MYO9A: variants seen among roughly 807,000 people sequenced by gnomAD.
The protein encoded by MYO9A is unconventional myosin-IXa.
MYO9A carries 103 observed loss-of-function variants against 293.3 expected under a neutral mutation model. The observed-to-expected ratio is 0.35, with a 90% CI of 0.30 to 0.41. The LOEUF (loss-of-function observed/expected upper bound fraction) is 0.41, where lower values mean the gene tolerates loss of function less well. Ranked by LOEUF, MYO9A falls within the 10% of genes least tolerant of loss-of-function variation. MYO9A has a pLI of 1.00. For synonymous variants in MYO9A, 1,001 were observed against 1,035.7 expected (o/e 0.97, Z 0.64); for missense variants, 2,685 against 3,033.0 (o/e 0.89, Z 2.69).
intron 12 of MYO9A, 88 bp downstream of exon 12, chr15:71,978,083 A>G: frequency 6.8e-7 from 1 of 1,470,646 alleles, no homozygotes; most frequent in Non-Finnish European, 9.3e-7. Context: ...TTGGCTCTTT[A>G]TTTGGTAATG....
rs572172582 is a variant in MYO9A, at chr15:71,974,202, A to G, written c.1844+3969T>C. ...CGAGAAACACATTGTACAGCCTACC[A>G]TGTCCAACAAAGAGGAAAAAAAAAT... On this transcript the variant is annotated intron_variant, in intron 12 of 41. Coordinates refer to ENST00000356056, the MANE Select transcript of MYO9A (RefSeq NM_006901.4). 2.6e-5 allele frequency among the ~76,000 whole-genome samples: 4 copies of G among 152,278 alleles called. No individual in the cohort carries two copies. In the East Asian group the frequency reaches 7.7e-4, roughly 29 times the overall value.
intron 1 of MYO9A, among the ~76,000 whole-genome samples, chr15:72,053,227 C>T (rs1225604631): frequency 6.6e-6 from 1 of 152,000 alleles, no homozygotes; most frequent in Non-Finnish European, 1.5e-5. Flanking sequence ...TGGTGAAACC[C>T]TGTCCCTATT....
chr15:71,993,044 A>AAT (rs2076585200), intron 10 of MYO9A, among the ~76,000 whole-genome samples: 2 of 152,122 alleles, frequency 1.3e-5, no homozygotes. Flanking sequence ...AAATATCCAC[A>AAT]ATAAATGCCT....
Position 71,865,782 on chromosome 15 carries a change from G to A in MYO9A, c.5980-3171C>T, listed in dbSNP as rs546805392. On this transcript the variant is annotated intron_variant, in intron 32 of 41. Transcript: ENST00000356056. ...AAACCCACTAAATTGCACACTTTAC[G>A]TAGTTAAAATGGCTAAATAGTTAAA... 7.9e-5 allele frequency among the ~76,000 whole-genome samples: 12 copies of A among 152,254 alleles called. No individual in the cohort carries two copies. The South Asian group carries it at 8.3e-4, about 11-fold the overall frequency.
Position 72,045,798 on chromosome 15 carries a change from G to A in MYO9A, c.766C>T (p.Leu256Phe). 2 of 1,614,162 alleles carry A rather than the reference G, an allele frequency of 1.2e-6. No individual in the cohort carries two copies. Among genetic ancestry groups the A allele is most frequent in the Non-Finnish European group, 1.7e-6 (2 of 1,180,034 alleles). The change falls in exon 2 of 42, where the codon CTT becomes TTT. Residue 256 changes from leucine (L) to phenylalanine (F), a missense_variant. Physicochemically the swap from Leu to Phe is conservative, Grantham distance 22. This residue lies in a region of MYO9A where 289 missense variants were observed against 456.8 expected (regional missense o/e 0.63). Coordinates refer to ENST00000356056, the MANE Select transcript of MYO9A (RefSeq NM_006901.4). ...AATCCTTTCTGACTGAGAGCAGTAAGGTGGTGAATAAGAAAGTTTGTGCTT... is the reference window on the plus strand; with the variant it reads ...AATCCTTTCTGACTGAGAGCAGTAAAGTGGTGAATAAGAAAGTTTGTGCTT... ...TQSTNFLIHH[L>F]TALSQKGFAS...
At chr15:71,997,493 G>A (rs561556424) in intron 9 of MYO9A, among the ~76,000 whole-genome samples, 3 of 152,014 alleles carry the variant, frequency 2.0e-5, no homozygotes, top group Admixed American at 6.6e-5. Context: ...CCAGCTACTC[G>A]GGAGGCTGAA....
chr15:71,879,390 A>T (rs1307539398), intron 30 of MYO9A, among the ~76,000 whole-genome samples: 1 of 152,198 alleles, frequency 6.6e-6, no homozygotes, highest in Non-Finnish European at 1.5e-5. Flanking sequence ...ATAGCCTAGC[A>T]ATAGAGCTAA....
At chr15:71,929,102 C>G (rs1392481359) in intron 18 of MYO9A, among the ~76,000 whole-genome samples, 1 of 150,944 alleles carries the variant, frequency 6.6e-6, no homozygotes, top group Non-Finnish European at 1.5e-5. Flanking sequence ...AGAAACACTG[C>G]TGATTTTTGT....
chr15:72,107,163 A>C (rs951031220), intron 1 of MYO9A, among the ~76,000 whole-genome samples: 1 of 152,238 alleles, frequency 6.6e-6, no homozygotes, highest in Non-Finnish European at 1.5e-5. Flanking sequence ...AGAATTATCA[A>C]GATGATATCA....
intron 39 of MYO9A, among the ~76,000 whole-genome samples, chr15:71,836,890 GCTT>G (rs1206952179): frequency 2.6e-5 from 4 of 151,984 alleles, no homozygotes; most frequent in Non-Finnish European, 4.4e-5. Context: ...AAAGAGGAGA[GCTT>G]CTGGGGATGC....
intron 39 of MYO9A, among the ~76,000 whole-genome samples, chr15:71,841,574 T>G (rs1243063913): frequency 6.6e-6 from 1 of 152,122 alleles, no homozygotes; most frequent in African/African-American, 2.4e-5. Flanking sequence ...TGGTCAAGAT[T>G]TATATTTTTA....
chr15:71,867,503 T>G (rs943419670), intron 32 of MYO9A, among the ~76,000 whole-genome samples: 3 of 150,896 alleles, frequency 2.0e-5, no homozygotes, highest in Non-Finnish European at 4.4e-5. Context: ...AGACAAAGGG[T>G]AATCTCTCTA....
chr15:72,008,518 A>G (rs1008384907), intron 7 of MYO9A, among the ~76,000 whole-genome samples: 7 of 141,110 alleles, frequency 5.0e-5, no homozygotes, highest in Admixed American at 7.1e-5. Context: ...GTGTGTGTGT[A>G]AGTATGAAGC....
At chr15:72,032,651 G>C (rs1015176285) in intron 2 of MYO9A, 63 bp from the exon 3 acceptor site, 3 of 1,053,832 alleles carry the variant, frequency 2.8e-6, no homozygotes, top group South Asian at 1.8e-5. Context: ...TTGGAGGGGG[G>C]ATTAGGTCAG....
At chr15:71,998,526 T>C (rs1260741983) in intron 9 of MYO9A, among the ~76,000 whole-genome samples, 1 of 150,860 alleles carries the variant, frequency 6.6e-6, no homozygotes, top group African/African-American at 2.4e-5. Flanking sequence ...AAAAGAAATA[T>C]AAAACTCTTA....
chr15:72,065,406 T>G (rs989377761), intron 1 of MYO9A, among the ~76,000 whole-genome samples: 2 of 151,248 alleles, frequency 1.3e-5, no homozygotes, highest in African/African-American at 4.9e-5. Context: ...TCCCAGCTAC[T>G]TGGGAGGCTG....
intron 13 of MYO9A, among the ~76,000 whole-genome samples, chr15:71,967,162 C>A (rs1217691146): frequency 4.6e-5 from 7 of 152,130 alleles, no homozygotes; most frequent in Non-Finnish European, 1.0e-4. Context: ...TCTCATAGGA[C>A]CCATTAACTT....
At chr15:71,896,220 T>A (rs151240311) in intron 25 of MYO9A, among the ~76,000 whole-genome samples, 134 of 152,312 alleles carry the variant, frequency 8.8e-4, no homozygotes, top group South Asian at 1.7e-3. Flanking sequence ...AAAATCCATA[T>A]GAAATTTTAA....
intron 19 of MYO9A, among the ~76,000 whole-genome samples, chr15:71,909,441 A>G (rs1231285366): frequency 1.3e-5 from 2 of 152,208 alleles, no homozygotes; most frequent in Admixed American, 1.3e-4. Context: ...GACTTCTGCC[A>G]TTCCAATAGC....
Sources: gnomAD v4.1 joint callset for allele counts (sites outside exome capture counted in the v4.1 genomes callset) on GRCh38, gnomAD v4.1.1 for gene constraint, gnomAD v4.1.1 regional missense constraint, MANE v1.5 for transcripts, NCBI Gene and HGNC (gene_info 2026-07-23, HGNC 2026-07-21) for gene names.